PEAK1: variants seen among roughly 807,000 people sequenced by gnomAD.
PEAK1 encodes inactive tyrosine-protein kinase PEAK1.
A neutral mutation model predicts 124.7 loss-of-function variants in PEAK1; 54 were observed. That is an observed-to-expected ratio of 0.43 (90% CI 0.35 to 0.54). The LOEUF (loss-of-function observed/expected upper bound fraction) is 0.54. Ranked by LOEUF, PEAK1 falls within the 20% of genes least tolerant of loss-of-function variation. The pLI is 0.01. For missense variants in PEAK1, 2,046 were observed against 2,134.5 expected (o/e 0.96, Z 0.82); for synonymous variants, 719 against 760.0 (o/e 0.95, Z 0.89).
In PEAK1 at chr15:77,168,237, GCA is replaced by G. The variant is rs113937076; in HGVS notation, c.3138-9543_3138-9542del. Among the ~76,000 whole-genome samples, 554 of 147,276 alleles carry G rather than the reference GCA, an allele frequency of 3.8e-3. 5 individuals are homozygous for G. The highest frequency in any genetic ancestry group is 0.012 in the African/African-American group (478 of 39,958). On this transcript the variant is annotated intron_variant, in intron 7 of 9. Transcript: ENST00000682557. Reference sequence around the variant, plus strand: ...TACATGCACATATGCATGTGCGCGCGCACACACACACACACACACACACACAC... The same window carrying G: ...TACATGCACATATGCATGTGCGCGCGCACACACACACACACACACACACAC...
rs1316638025 is a variant in PEAK1 at position 77,243,982 on chromosome 15, A to AG, written c.-115+8384_-115+8385insC. Among the ~76,000 whole-genome samples, 5 of 151,986 alleles carry AG rather than the reference A, an allele frequency of 3.3e-5. 1 individual carries two copies. The highest frequency in any genetic ancestry group is 4.8e-5 in the African/African-American group (2 of 41,402). On this transcript the variant is annotated intron_variant, in intron 6 of 9. Transcript: ENST00000682557. ...AAACTCTTTCTCAAAATAAAAAAAA[A>AG]AAAAAGAAAAAGAAACCCACAGATG...
At chr15:77,374,610 C>A (rs903041203) in intron 1 of PEAK1, among the ~76,000 whole-genome samples, 3 of 152,012 alleles carry the variant, frequency 2.0e-5, no homozygotes, top group Non-Finnish European at 4.4e-5. Flanking sequence ...ATATAACAAT[C>A]TTTTTAGGCT....
intron 7 of PEAK1, chr15:77,178,221 T>A: frequency 6.5e-6 from 1 of 152,854 alleles, no homozygotes. Flanking sequence ...CTTCTCCTAT[T>A]TCACCCACAT....
At chr15:77,359,229 G>A (rs998111459) in intron 2 of PEAK1, among the ~76,000 whole-genome samples, 2 of 152,052 alleles carry the variant, frequency 1.3e-5, no homozygotes, top group Non-Finnish European at 2.9e-5. Context: ...CTTGAGCCCA[G>A]GAGTTTGTGA....
chr15:77,129,602 T>TA (rs1185934060), intron 9 of PEAK1, among the ~76,000 whole-genome samples: 1 of 59,898 alleles, frequency 1.7e-5, no homozygotes, highest in Non-Finnish European at 4.0e-5. Context: ...TGACTGGCTA[T>TA]TTTTTTTTTT....
At chr15:77,231,719 G>A (rs1316607118) in intron 6 of PEAK1, among the ~76,000 whole-genome samples, 4 of 152,020 alleles carry the variant, frequency 2.6e-5, no homozygotes, top group Non-Finnish European at 2.9e-5. Flanking sequence ...GTAATTAATT[G>A]CATATGAAAT....
chr15:77,388,490 T>C (rs1158971677), intron 1 of PEAK1, among the ~76,000 whole-genome samples: 1 of 152,208 alleles, frequency 6.6e-6, no homozygotes, highest in African/African-American at 2.4e-5. Context: ...CGACTCATAT[T>C]GGCATCTCGT....
chr15:77,361,163 T>C (rs1489599955), intron 2 of PEAK1, among the ~76,000 whole-genome samples: 1 of 151,796 alleles, frequency 6.6e-6, no homozygotes, highest in African/African-American at 2.4e-5. Context: ...ACAAACATAT[T>C]CAAAAGCAAA....
intron 2 of PEAK1, among the ~76,000 whole-genome samples, chr15:77,289,057 C>G (rs1359361493): frequency 6.6e-6 from 1 of 151,864 alleles, no homozygotes; most frequent in African/African-American, 2.4e-5. Flanking sequence ...TTAACAAATA[C>G]AGCTATCCCT....
intron 1 of PEAK1, among the ~76,000 whole-genome samples, chr15:77,409,096 T>C (rs1487963118): frequency 6.6e-6 from 1 of 151,882 alleles, no homozygotes. Context: ...CAAAAATATT[T>C]AAGAGTGGTA....
chr15:77,222,317 A>C (rs1051264664), intron 6 of PEAK1, among the ~76,000 whole-genome samples: 7 of 152,080 alleles, frequency 4.6e-5, no homozygotes, highest in African/African-American at 1.7e-4. Flanking sequence ...GAGAAAATTA[A>C]ACAGTTTTTA....
chr15:77,370,021 T>C (rs1378509695), intron 1 of PEAK1, among the ~76,000 whole-genome samples: 1 of 152,200 alleles, frequency 6.6e-6, no homozygotes, highest in Non-Finnish European at 1.5e-5. Context: ...AGTGAAGTGC[T>C]GATGACCTTC....
exon 7 of PEAK1, chr15:77,102,557 G>A (rs2050704657): frequency 1.3e-5 from 2 of 152,136 alleles, no homozygotes; most frequent in African/African-American, 4.8e-5. Context: ...TGTTTGATCT[G>A]TTTGGATTTG....
At chr15:77,130,034 C>T (rs1182309422) in intron 9 of PEAK1, among the ~76,000 whole-genome samples, 1 of 152,156 alleles carries the variant, frequency 6.6e-6, no homozygotes, top group Non-Finnish European at 1.5e-5. Flanking sequence ...CTTTTCCAAA[C>T]CTGCCAACAA....
intron 7 of PEAK1, 146 bp downstream of exon 7, chr15:77,178,644 G>A (rs1053359369): frequency 2.6e-6 from 2 of 777,014 alleles, no homozygotes; most frequent in Non-Finnish European, 4.0e-6. Flanking sequence ...TTCTAATCTT[G>A]GAATGCAGTT....
At chr15:77,276,527 T>C (rs988961946) in intron 5 of PEAK1, among the ~76,000 whole-genome samples, 1 of 151,872 alleles carries the variant, frequency 6.6e-6, no homozygotes, top group African/African-American at 2.4e-5. Flanking sequence ...AAAATAAAAA[T>C]ATTTATAGAG....
In PEAK1 at chr15:77,102,620, C is replaced by G. The variant is rs117996232; in HGVS notation, c.*11536G>C. The G allele has an allele frequency of 2.4e-4, 36 of 152,244 alleles. No individual in the cohort carries two copies. The East Asian group carries it at 6.9e-3, about 29-fold the overall frequency. The allele number at this position is 152,244 out of a possible 1,614,324, so 9.4% of individuals were successfully genotyped here. A position where few individuals can be genotyped will look rare whatever the true frequency, so the allele number is the denominator to read the frequency against. ...TTTTCCAAATAGCTAACCAATTGTA[C>G]CAGCACATTGGATAAACTTCCTTCC... On this transcript the variant is annotated 3_prime_UTR_variant, in exon 7 of 7. Transcript: ENST00000560626.
At chr15:77,335,633 C>A (rs1343015689) in intron 2 of PEAK1, 1 of 624,198 alleles carries the variant, frequency 1.6e-6, no homozygotes, top group Non-Finnish European at 2.0e-6. Context: ...CGTGCACTAC[C>A]ACATGCAGCT....
intron 6 of PEAK1, among the ~76,000 whole-genome samples, chr15:77,193,460 C>T (rs2057944375): frequency 6.6e-6 from 1 of 152,132 alleles, no homozygotes; most frequent in South Asian, 2.1e-4. Context: ...TTACTATGAA[C>T]CAAATGAGAC....
Sources: gnomAD v4.1 joint callset for allele counts (sites outside exome capture counted in the v4.1 genomes callset) on GRCh38, gnomAD v4.1.1 for gene constraint, MANE v1.5 for transcripts, NCBI Gene and HGNC (gene_info 2026-07-23, HGNC 2026-07-21) for gene names.